DOK5: variants seen among roughly 807,000 people sequenced by gnomAD.
DOK5 encodes the protein docking protein 5, also known as downstream of tyrosine kinase 5.
DOK5 carries 27 observed loss-of-function variants against 43.3 expected under a neutral mutation model. That is an observed-to-expected ratio of 0.62 (90% CI 0.46 to 0.86). The LOEUF is 0.86. Among genes scored for constraint, DOK5 ranks in the 40% least tolerant of loss-of-function variants. The pLI is 0.00. For missense variants in DOK5, 373 were observed against 392.9 expected, an observed-to-expected ratio of 0.95 and a Z score of 0.43; for synonymous variants, 146 against 140.1, an observed-to-expected ratio of 1.04 and a Z score of -0.30.
chr20:54,604,606 G>C (rs375420357), intron 5 of DOK5, among the ~76,000 whole-genome samples: 1 of 152,164 alleles, frequency 6.6e-6, no homozygotes, highest in African/African-American at 2.4e-5. Flanking sequence ...GGTGTAACAA[G>C]TACCTTATTC....
At chr20:54,643,391 T>C in intron 6 of DOK5, 67 bp from the exon 7 acceptor site, 1 of 1,589,448 alleles carries the variant, frequency 6.3e-7, no homozygotes, top group Non-Finnish European at 8.6e-7. Context: ...TGCTCTCCTG[T>C]TTCCTCAGTC....
intron 2 of DOK5, among the ~76,000 whole-genome samples, chr20:54,587,573 G>C (rs57603708): frequency 0.088 from 13,418 of 152,170 alleles, 1,962 homozygotes; most frequent in African/African-American, 0.3. Flanking sequence ...GCCACCTAAG[G>C]CTTCGCTCAG....
intron 6 of DOK5, among the ~76,000 whole-genome samples, chr20:54,614,994 G>A (rs749606969): frequency 3.3e-5 from 5 of 152,172 alleles, no homozygotes; most frequent in Non-Finnish European, 5.9e-5. Context: ...TTATATGACT[G>A]CTGACTTGCT....
intron 1 of DOK5, among the ~76,000 whole-genome samples, chr20:54,484,326 C>T (rs959317428): frequency 6.6e-6 from 1 of 151,832 alleles, no homozygotes; most frequent in African/African-American, 2.4e-5. Flanking sequence ...TTGCATTGAG[C>T]CGAGATTGCG....
chr20:54,611,286 T>G (rs1391029442), intron 6 of DOK5, among the ~76,000 whole-genome samples: 1 of 152,150 alleles, frequency 6.6e-6, no homozygotes, highest in African/African-American at 2.4e-5. Flanking sequence ...TGAGGCCAGG[T>G]GCGGTGGCTC....
intron 7 of DOK5, among the ~76,000 whole-genome samples, chr20:54,645,852 G>T (rs955330821): frequency 2.7e-5 from 4 of 147,058 alleles, no homozygotes; most frequent in African/African-American, 1.0e-4. Context: ...AAGCACTGGG[G>T]GTATTTACAT....
intron 1 of DOK5, among the ~76,000 whole-genome samples, chr20:54,512,989 C>T (rs1242239702): frequency 6.6e-6 from 1 of 152,148 alleles, no homozygotes; most frequent in Admixed American, 6.5e-5. Context: ...GCTTTTTCCC[C>T]CTTATACACC....
Position 54,610,418 on chromosome 20 carries a change from CT to C in DOK5, c.633del (p.Gln212ArgfsTer19). On this transcript the variant is annotated frameshift_variant, in exon 6 of 8. Transcript: ENST00000262593. LOFTEE classifies it high-confidence loss of function. ...GTGAGACTGGTGAAGGGCTGTTTAT[CT>C]TTCAGACCCGAGACGGGGAGGCCAT... ...MCETGEGLFI[F>X]QTRDGEAIYQ... 2 of 1,590,866 alleles carry C rather than the reference CT, an allele frequency of 1.3e-6. No homozygotes were observed. Among genetic ancestry groups the C allele is most frequent in the South Asian group, 2.3e-5 (2 of 87,458 alleles).
intron 1 of DOK5, among the ~76,000 whole-genome samples, chr20:54,477,508 T>C (rs1221395468): frequency 6.6e-6 from 1 of 152,228 alleles, no homozygotes; most frequent in Non-Finnish European, 1.5e-5. Context: ...TATGCAAATA[T>C]TCTCATCTTC....
intron 1 of DOK5, among the ~76,000 whole-genome samples, chr20:54,508,251 CA>C (rs1982885673): frequency 6.6e-6 from 1 of 152,060 alleles, no homozygotes. Context: ...GCACTGCTAT[CA>C]AACCATGTAT....
At chr20:54,530,575 C>T (rs192063804) in intron 1 of DOK5, among the ~76,000 whole-genome samples, 5 of 152,270 alleles carry the variant, frequency 3.3e-5, no homozygotes, top group African/African-American at 9.6e-5. Flanking sequence ...ACCTGTCTTG[C>T]CAGTCTAACC....
At chr20:54,510,675 A>G (rs1007137992) in intron 1 of DOK5, among the ~76,000 whole-genome samples, 46 of 152,274 alleles carry the variant, frequency 3.0e-4, no homozygotes, top group Middle Eastern at 3.4e-3. Flanking sequence ...CAGTTGGCCC[A>G]GCCCCCGCTG....
At chr20:54,618,162 G>C (rs900651229) in intron 6 of DOK5, among the ~76,000 whole-genome samples, 1 of 152,142 alleles carries the variant, frequency 6.6e-6, no homozygotes, top group Non-Finnish European at 1.5e-5. Flanking sequence ...TGAGAAAAGG[G>C]ATGTTCAGCA....
chr20:54,508,429 G>A (rs1982894119), intron 1 of DOK5, among the ~76,000 whole-genome samples: 1 of 150,378 alleles, frequency 6.6e-6, no homozygotes. Context: ...ATATAATGAT[G>A]CTTGTCACAC....
At chr20:54,558,547 T>C (rs1040618865) in intron 2 of DOK5, among the ~76,000 whole-genome samples, 3 of 152,228 alleles carry the variant, frequency 2.0e-5, no homozygotes, top group African/African-American at 4.8e-5. Context: ...TTCTGAGATA[T>C]GCATTTTTCA....
chr20:54,631,967 T>A (rs1483259645), intron 6 of DOK5, among the ~76,000 whole-genome samples: 2 of 152,146 alleles, frequency 1.3e-5, no homozygotes, highest in Admixed American at 1.3e-4. Flanking sequence ...CAAGACTCCG[T>A]CTCAAAAACA....
intron 1 of DOK5, among the ~76,000 whole-genome samples, chr20:54,486,712 C>T (rs981106191): frequency 6.6e-6 from 1 of 152,110 alleles, no homozygotes; most frequent in Non-Finnish European, 1.5e-5. Context: ...ATTGCTTACT[C>T]TTTCTGATCT....
At chr20:54,633,985 T>C (rs1446875273) in intron 6 of DOK5, among the ~76,000 whole-genome samples, 1 of 152,192 alleles carries the variant, frequency 6.6e-6, no homozygotes, top group Admixed American at 6.5e-5. Flanking sequence ...GGTGCAGTAT[T>C]GAGGCTAAGA....
intron 6 of DOK5, among the ~76,000 whole-genome samples, chr20:54,643,015 G>A (rs1271594231): frequency 6.6e-6 from 1 of 152,152 alleles, no homozygotes; most frequent in African/African-American, 2.4e-5. Flanking sequence ...TACATGCAAG[G>A]CAATATTCTG....
Sources: gnomAD v4.1 joint callset for allele counts (sites outside exome capture counted in the v4.1 genomes callset) on GRCh38, gnomAD v4.1.1 for gene constraint, MANE v1.5 for transcripts, NCBI Gene and HGNC (gene_info 2026-07-23, HGNC 2026-07-21) for gene names.